The following UBE2J1 variants were observed in gnomAD, a reference collection of about 807,000 sequenced individuals.
UBE2J1 encodes the protein ubiquitin-conjugating enzyme E2 J1.
UBE2J1 carries 17 observed loss-of-function variants against 42.1 expected under a neutral mutation model. The ratio of observed to expected loss-of-function variants is 0.40; its 90% CI spans 0.28 to 0.61. UBE2J1 has a LOEUF of 0.61. Among genes scored for constraint, UBE2J1 ranks in the 20% least tolerant of loss-of-function variants. UBE2J1 has a pLI of 0.38. For synonymous variants in UBE2J1, 127 were observed against 137.2 expected, an observed-to-expected ratio of 0.93 and a Z score of 0.52; for missense variants, 291 against 389.4, an observed-to-expected ratio of 0.75 and a Z score of 2.13.
At chr6:89,340,744 ATTT>A (rs1768228834) in intron 3 of UBE2J1, among the ~76,000 whole-genome samples, 1 of 37,246 alleles carries the variant, frequency 2.7e-5, no homozygotes, top group African/African-American at 8.4e-5. Context: ...TTAATTTGGT[ATTT>A]ATTTATTTAT....
Position 89,329,596 on chromosome 6 carries a change from T to G in UBE2J1, c.*83A>C. 1 of 1,452,960 alleles carries G rather than the reference T, an allele frequency of 6.9e-7. No individual in the cohort carries two copies. The highest frequency in any genetic ancestry group is 9.5e-7 in the Non-Finnish European group (1 of 1,056,918). 90.0% of individuals were successfully genotyped at this position (1,452,960 alleles called of 1,614,324 possible). On this transcript the variant is annotated 3_prime_UTR_variant, in exon 8 of 8. Transcript: ENST00000435041. The stretch of plus-strand genomic sequence containing the variant: ...TGAAGGGTAAATACAAAATAATCTT[T>G]TTGTAAACAATTCTTAGATTATACC...
In UBE2J1 at chr6:89,330,523, TC is replaced by T. The variant is rs1196808210; in HGVS notation, c.679-567del. Among the ~76,000 whole-genome samples the T allele has an allele frequency of 2.6e-5, 4 of 152,240 alleles. No individual in the cohort carries two copies. In the East Asian group the frequency reaches 5.8e-4, roughly 22 times the overall value. On this transcript the variant is annotated intron_variant, in intron 7 of 7. Coordinates refer to ENST00000435041, the MANE Select transcript of UBE2J1 (RefSeq NM_016021.3). ...TGATATTATAAAATTCTAAATTTTT[TC>T]CTATTTAAAACAATCATACAGCACT... is the stretch of plus-strand genomic sequence containing the variant.
chr6:89,350,482 A>G lies in UBE2J1; in HGVS notation c.31+2057T>C, dbSNP rs116070823. Among the ~76,000 whole-genome samples the G allele has an allele frequency of 4.2e-3, 637 of 152,262 alleles. 2 individuals are homozygous for G. The highest frequency in any genetic ancestry group is 0.014 in the African/African-American group (599 of 41,536). ...AGCAAAGGAAGGAAGTATTTTCACA[A>G]TGCCTCCCAGCATTTTCAGTAAGTC... is the stretch of plus-strand genomic sequence containing the variant. On this transcript the variant is annotated intron_variant, in intron 1 of 7. Coordinates refer to ENST00000435041, the MANE Select transcript of UBE2J1 (RefSeq NM_016021.3).
At chr6:89,348,983 C>T (rs922794539) in intron 1 of UBE2J1, among the ~76,000 whole-genome samples, 17 of 152,228 alleles carry the variant, frequency 1.1e-4, no homozygotes, top group African/African-American at 4.1e-4. Flanking sequence ...CACCTGTAAT[C>T]TCACCACTTT....
intron 6 of UBE2J1, among the ~76,000 whole-genome samples, chr6:89,334,765 G>A (rs1365789997): frequency 6.6e-6 from 1 of 152,106 alleles, no homozygotes; most frequent in Non-Finnish European, 1.5e-5. Flanking sequence ...ACCGCGCCCG[G>A]CCATCATTTT....
Position 89,342,263 on chromosome 6 carries a change from A to C in UBE2J1, c.237+61T>G, listed in dbSNP as rs41309294. On this transcript the variant is annotated intron_variant, in intron 3 of 7. Transcript: ENST00000435041. ...TCTTAATGAAAATGATTTGCTTACTATATTTTGCAGCTACCAGGAAGAGTG... is the reference window on the plus strand; with the variant it reads ...TCTTAATGAAAATGATTTGCTTACTCTATTTTGCAGCTACCAGGAAGAGTG... The C allele has an allele frequency of 1.1e-3, 1,812 of 1,576,678 alleles. 3 individuals carry two copies. The highest frequency in any genetic ancestry group is 1.4e-3 in the Non-Finnish European group (1,661 of 1,149,416).
At chr6:89,338,841 A>ATT (rs780784605) in intron 3 of UBE2J1, among the ~76,000 whole-genome samples, 7 of 151,608 alleles carry the variant, frequency 4.6e-5, no homozygotes, top group African/African-American at 1.7e-4. Context: ...AATGTTTTGT[A>ATT]TTTTTAGTAG....
At chr6:89,330,519 T>G (rs1490749987) in intron 7 of UBE2J1, among the ~76,000 whole-genome samples, 2 of 152,066 alleles carry the variant, frequency 1.3e-5, no homozygotes, top group East Asian at 1.9e-4. Flanking sequence ...AATTCTAAAT[T>G]TTTTCCTATT....
At chr6:89,332,091 A>G (rs1048935037) in intron 7 of UBE2J1, among the ~76,000 whole-genome samples, 1 of 152,128 alleles carries the variant, frequency 6.6e-6, no homozygotes, top group Non-Finnish European at 1.5e-5. Flanking sequence ...CTCACTCAAG[A>G]CTATTCACTC....
intron 3 of UBE2J1, among the ~76,000 whole-genome samples, chr6:89,341,919 CATT>C (rs1562420330): frequency 6.6e-6 from 1 of 152,064 alleles, no homozygotes; most frequent in African/African-American, 2.4e-5. Context: ...AGGTAGGTAT[CATT>C]ATTCTCATTG....
At position 89,333,078 on chromosome 6, in the gene UBE2J1, A is replaced by T; in HGVS notation, c.678+8T>A. 4 of 1,600,248 alleles carry T rather than the reference A, an allele frequency of 2.5e-6. No individual in the cohort carries two copies. The highest frequency in any genetic ancestry group is 2.6e-6 in the Non-Finnish European group (3 of 1,174,132). On this transcript the variant is annotated splice_region_variant and intron_variant, in intron 7 of 7. Coordinates refer to ENST00000435041, the MANE Select transcript of UBE2J1 (RefSeq NM_016021.3). ...ACATACATATATATTAAAAGATAAGAGCCATACCGATGTACTGGCCGTAGC... is the reference window on the plus strand; with the variant it reads ...ACATACATATATATTAAAAGATAAGTGCCATACCGATGTACTGGCCGTAGC...
At chr6:89,351,459 A>C (rs1469849943) in intron 1 of UBE2J1, among the ~76,000 whole-genome samples, 2 of 151,980 alleles carry the variant, frequency 1.3e-5, no homozygotes, top group Non-Finnish European at 2.9e-5. Context: ...GCCTGACAGC[A>C]CTCAGGCTAA....
At position 89,350,927 on chromosome 6, in the gene UBE2J1, A is replaced by G. The variant is rs570757166; in HGVS notation, c.31+1612T>C. On this transcript the variant is annotated intron_variant, in intron 1 of 7. Transcript: ENST00000435041. ...GGAACCGTGTGACCAGGGAGCCACCATACATTTTTACCCAAACAGCTCCAG... is the reference window on the plus strand; with the variant it reads ...GGAACCGTGTGACCAGGGAGCCACCGTACATTTTTACCCAAACAGCTCCAG... Among the ~76,000 whole-genome samples, 156 of 152,220 alleles carry G rather than the reference A, an allele frequency of 1.0e-3. 2 individuals carry two copies. The highest frequency in any genetic ancestry group is 3.7e-3 in the African/African-American group (152 of 41,520).
chr6:89,338,946 T>C (rs1195274818), intron 3 of UBE2J1, among the ~76,000 whole-genome samples: 1 of 152,046 alleles, frequency 6.6e-6, no homozygotes, highest in Admixed American at 6.6e-5. Flanking sequence ...ATTACAGGCA[T>C]GAGCCACCGC....
rs181633864 is a variant in UBE2J1 at position 89,340,358 on chromosome 6, T to A, written c.238-1815A>T. On this transcript the variant is annotated intron_variant, in intron 3 of 7. Coordinates refer to ENST00000435041, the MANE Select transcript of UBE2J1 (RefSeq NM_016021.3). ...AAAGAGCTGCTGCTAACTACTGTCC[T>A]CCACCACCACCAGTCTCCCCATGCA... is the stretch of plus-strand genomic sequence containing the variant. Among the ~76,000 whole-genome samples the A allele has an allele frequency of 1.1e-4, 17 of 152,238 alleles. No homozygotes were observed. The East Asian group carries it at 3.1e-3, about 28-fold the overall frequency.
At position 89,328,020 on chromosome 6, in the gene UBE2J1, CT is replaced by C. The variant is rs1267552425; in HGVS notation, c.*1658del. On this transcript the variant is annotated 3_prime_UTR_variant, in exon 8 of 8. Transcript: ENST00000435041. ...ATGAGATCTTCATAAAGTCCTTGAG[CT>C]TTTTAGACTTTAACAAATTCAGCTA... is the stretch of plus-strand genomic sequence containing the variant. 5.3e-5 allele frequency: 8 copies of C among 152,080 alleles called. No homozygotes were observed. Among genetic ancestry groups the C allele is most frequent in the Admixed American group, 4.6e-4 (7 of 15,264 alleles). The allele number at this position is 152,080 out of a possible 1,614,324, so 9.4% of individuals were successfully genotyped here.
chr6:89,338,617 A>ATTTATAT (rs1768157009), intron 3 of UBE2J1, 74 bp from the exon 4 acceptor site: 1 of 395,150 alleles, frequency 2.5e-6, no homozygotes, highest in Admixed American at 5.3e-5. Flanking sequence ...AAAATATACT[A>ATTTATAT]TTTATATATA....
At chr6:89,333,300 A>G in intron 6 of UBE2J1, 95 bp from the exon 7 acceptor site, 1 of 1,382,512 alleles carries the variant, frequency 7.2e-7, no homozygotes, top group Non-Finnish European at 9.7e-7. Context: ...TGTTGGATTT[A>G]TTTTAATTGC....
At chr6:89,335,543 A>G in intron 5 of UBE2J1, 112 bp from the exon 6 acceptor site, 1 of 698,652 alleles carries the variant, frequency 1.4e-6, no homozygotes, top group South Asian at 3.7e-5. Context: ...ACACTGGAAA[A>G]TTCCACATCA....
Sources: gnomAD v4.1 joint callset for allele counts (sites outside exome capture counted in the v4.1 genomes callset) on GRCh38, gnomAD v4.1.1 for gene constraint, MANE v1.5 for transcripts, NCBI Gene and HGNC (gene_info 2026-07-23, HGNC 2026-07-21) for gene names.